CEP162: variants seen among roughly 807,000 people sequenced by gnomAD.
CEP162 encodes centrosomal protein of 162 kDa.
CEP162 carries 141 observed loss-of-function variants against 169.2 expected under a neutral mutation model. The observed-to-expected ratio is 0.83, with a 90% CI of 0.73 to 0.96. The LOEUF (loss-of-function observed/expected upper bound fraction) is 0.96, where lower values mean the gene tolerates loss of function less well. CEP162 is among the 40% of genes least tolerant of loss of function. The pLI, the probability that CEP162 is intolerant of heterozygous loss-of-function variation, is 0.00. For synonymous variants in CEP162, 540 were observed against 526.4 expected, an observed-to-expected ratio of 1.03 and a Z score of -0.35; for missense variants, 1,600 against 1,587.2, an observed-to-expected ratio of 1.01 and a Z score of -0.14.
At chr6:84,138,695 T>C (rs1044316619) in intron 25 of CEP162, among the ~76,000 whole-genome samples, 2 of 152,210 alleles carry the variant, frequency 1.3e-5, no homozygotes, top group African/African-American at 4.8e-5. Context: ...AGAACTGTCT[T>C]ACCATTGTAT....
intron 25 of CEP162, among the ~76,000 whole-genome samples, chr6:84,130,170 C>T (rs772171571): frequency 8.5e-5 from 13 of 152,076 alleles, no homozygotes; most frequent in Admixed American, 3.9e-4. Flanking sequence ...TATTGATTTG[C>T]GTATGGTGAA....
At chr6:84,207,442 T>C (rs1467105402) in intron 6 of CEP162, among the ~76,000 whole-genome samples, 2 of 151,924 alleles carry the variant, frequency 1.3e-5, no homozygotes, top group African/African-American at 4.8e-5. Context: ...CTAGAAACCA[T>C]CATTCTGAGC....
chr6:84,186,237 C>A, intron 12 of CEP162, 95 bp downstream of exon 12: 1 of 677,014 alleles, frequency 1.5e-6, no homozygotes, highest in Non-Finnish European at 2.5e-6. Flanking sequence ...ATCAATCCCA[C>A]TAGTTTAAAA....
At chr6:84,190,960 C>A (rs907499132) in intron 11 of CEP162, among the ~76,000 whole-genome samples, 2 of 152,288 alleles carry the variant, frequency 1.3e-5, no homozygotes, top group East Asian at 3.9e-4. Flanking sequence ...GGATTACAGG[C>A]GTAAGCCACC....
intron 21 of CEP162, among the ~76,000 whole-genome samples, chr6:84,159,548 T>TATATATATATA (rs1491229310): frequency 6.3e-4 from 9 of 14,250 alleles, no homozygotes; most frequent in Non-Finnish European, 8.3e-4. Context: ...TATATATATA[T>TATATATATATA]TTTTTTTTTT....
At chr6:84,211,887 C>A (rs1588883511) in intron 6 of CEP162, among the ~76,000 whole-genome samples, 1 of 136,408 alleles carries the variant, frequency 7.3e-6, no homozygotes, top group Non-Finnish European at 1.6e-5. Flanking sequence ...ACACCATAGT[C>A]AAATTGCCAA....
At chr6:84,136,908 C>G (rs996345590) in intron 25 of CEP162, among the ~76,000 whole-genome samples, 1 of 152,168 alleles carries the variant, frequency 6.6e-6, no homozygotes, top group Non-Finnish European at 1.5e-5. Flanking sequence ...GGCCACACAC[C>G]AGGCACCTAG....
Position 84,186,482 on chromosome 6 carries a change from C to CT in CEP162, c.1250dup (p.Thr418AspfsTer4). 6.2e-7 allele frequency: 1 copy of CT among 1,613,174 alleles called. No individual in the cohort carries two copies. The highest frequency in any genetic ancestry group is 8.5e-7 in the Non-Finnish European group (1 of 1,179,434). Reference sequence around the variant, plus strand: ...TGTTTTCCATACTCTCATTTGTGGTCTTTTGTAAAATCACATTCTCATCAT... The same window carrying CT: ...TGTTTTCCATACTCTCATTTGTGGTCTTTTTGTAAAATCACATTCTCATCAT... On this transcript the variant is annotated frameshift_variant, in exon 12 of 27. Coordinates refer to ENST00000403245, the MANE Select transcript of CEP162 (RefSeq NM_014895.4). LOFTEE classifies it high-confidence loss of function.
At chr6:84,166,984 C>G (rs1419318623) in intron 18 of CEP162, among the ~76,000 whole-genome samples, 2 of 152,052 alleles carry the variant, frequency 1.3e-5, no homozygotes, top group Admixed American at 1.3e-4. Flanking sequence ...TAAACTAACA[C>G]CTTTATTTTT....
Position 84,195,067 on chromosome 6 carries a change from A to ATTCTT in CEP162, c.843_844insAAGAA (p.Tyr282LysfsTer20). The stretch of plus-strand genomic sequence containing the variant: ...TCAACGTCACTACTGCTTTGTCCAT[A>ATTCTT]AGAAACACCTGTTGAAATAAACGTA... On this transcript the variant is annotated frameshift_variant, in exon 10 of 27. Transcript: ENST00000403245. LOFTEE classifies it high-confidence loss of function. 6.4e-7 allele frequency: 1 copy of ATTCTT among 1,573,756 alleles called. No homozygotes were observed. Among genetic ancestry groups the ATTCTT allele is most frequent in the African/African-American group, 1.4e-5 (1 of 73,214 alleles).
rs35312098 is a variant in CEP162, at chr6:84,134,919, TACACACACACACACACAC to T, written c.3871-8425_3871-8408del. ...TATACTGTCATGAAAAGATCATATA[TACACACACACACACACAC>T]ACACACACACACACACACATATATA... On this transcript the variant is annotated intron_variant, in intron 25 of 26. Coordinates refer to ENST00000403245, the MANE Select transcript of CEP162 (RefSeq NM_014895.4). Among the ~76,000 whole-genome samples the T allele has an allele frequency of 6.0e-3, 891 of 148,370 alleles. 11 individuals carry two copies. Among genetic ancestry groups the T allele is most frequent in the African/African-American group, 0.016 (663 of 40,370 alleles).
At chr6:84,145,104 G>A (rs1408954606) in intron 25 of CEP162, among the ~76,000 whole-genome samples, 2 of 152,080 alleles carry the variant, frequency 1.3e-5, no homozygotes, top group Admixed American at 1.3e-4. Flanking sequence ...CGCCAATAAA[G>A]TCCCTTGGAA....
chr6:84,178,834 T>C (rs2099533489), intron 13 of CEP162, among the ~76,000 whole-genome samples: 1 of 152,010 alleles, frequency 6.6e-6, no homozygotes, highest in Non-Finnish European at 1.5e-5. Context: ...CGACAGGCCC[T>C]GGTATGTGCT....
Position 84,139,464 on chromosome 6 carries a change from T to C in CEP162, c.3870+7223A>G, listed in dbSNP as rs567344173. ...TTTTCTCTTGTTAATCTGTCTTTTG[T>C]TACAGTGGCCTGTCCCAACAGGAAC... On this transcript the variant is annotated intron_variant, in intron 25 of 26. Coordinates refer to ENST00000403245, the MANE Select transcript of CEP162 (RefSeq NM_014895.4). 1.2e-4 allele frequency among the ~76,000 whole-genome samples: 19 copies of C among 152,338 alleles called. No individual in the cohort carries two copies. The South Asian group carries it at 3.9e-3, about 32-fold the overall frequency.
chr6:84,213,240 T>C (rs553991432), intron 5 of CEP162, among the ~76,000 whole-genome samples: 2 of 152,266 alleles, frequency 1.3e-5, no homozygotes, highest in East Asian at 1.9e-4. Flanking sequence ...TTAAAAGTAA[T>C]ACAAAGGAAA....
intron 21 of CEP162, among the ~76,000 whole-genome samples, chr6:84,159,523 T>TTTTATATA (rs1244967462): frequency 5.4e-5 from 2 of 37,138 alleles, no homozygotes; most frequent in African/African-American, 2.2e-4. Flanking sequence ...AATTAATTAT[T>TTTTATATA]TATATATATA....
At chr6:84,186,027 A>G (rs2099536991) in intron 12 of CEP162, among the ~76,000 whole-genome samples, 1 of 152,156 alleles carries the variant, frequency 6.6e-6, no homozygotes, top group Non-Finnish European at 1.5e-5. Flanking sequence ...AACAGTGCAT[A>G]CTACAATGAT....
chr6:84,174,278 C>G (rs951816927), intron 15 of CEP162, 90 bp from the exon 16 acceptor site: 2 of 1,002,968 alleles, frequency 2.0e-6, no homozygotes, highest in Admixed American at 2.8e-5. Flanking sequence ...CTATTTAGAT[C>G]GAAAACTGTC....
chr6:84,165,827 G>A (rs368851635), intron 18 of CEP162, among the ~76,000 whole-genome samples: 1 of 152,142 alleles, frequency 6.6e-6, no homozygotes, highest in East Asian at 1.9e-4. Flanking sequence ...TATAATCTTA[G>A]TTTCTAGCTG....
Sources: gnomAD v4.1 joint callset for allele counts (sites outside exome capture counted in the v4.1 genomes callset) on GRCh38, gnomAD v4.1.1 for gene constraint, MANE v1.5 for transcripts, NCBI Gene and HGNC (gene_info 2026-07-23, HGNC 2026-07-21) for gene names.